CCDC88C: variants seen among roughly 807,000 people sequenced by gnomAD.
CCDC88C encodes protein Daple.
A neutral mutation model predicts 198.8 loss-of-function variants in CCDC88C; 131 were observed. The ratio of observed to expected loss-of-function variants is 0.66; its 90% confidence interval spans 0.57 to 0.76. CCDC88C has a LOEUF of 0.76. Ranked by LOEUF, CCDC88C falls within the 30% of genes least tolerant of loss-of-function variation. The probability of loss-of-function intolerance (pLI) is 0.00; values close to 1 mark genes in which losing one functional copy is unlikely to be tolerated. For missense variants in CCDC88C, 2,553 were observed against 2,631.6 expected (o/e 0.97, Z 0.65); for synonymous variants, 1,166 against 1,114.7 (o/e 1.05, Z -0.92).
chr14:91,282,944 T>C (rs1036613911), intron 26 of CCDC88C, among the ~76,000 whole-genome samples: 9 of 152,204 alleles, frequency 5.9e-5, no homozygotes, highest in African/African-American at 2.2e-4. Flanking sequence ...AAATATATAA[T>C]TTATCTTCTC....
At chr14:91,413,663 G>C (rs1170457786) in intron 2 of CCDC88C, among the ~76,000 whole-genome samples, 1 of 152,184 alleles carries the variant, frequency 6.6e-6, no homozygotes, top group African/African-American at 2.4e-5. Flanking sequence ...CCAGAAAGCT[G>C]AACCTGTGGG....
Position 91,309,907 on chromosome 14 carries a change from CCGA to C in CCDC88C, c.2813_2815del (p.Val938del). On this transcript the variant is annotated inframe_deletion, in exon 16 of 30. Transcript: ENST00000389857. ...CTGCAACAGCAGCTCCCTGTTGAGG[CCGA>C]CCTTCTCCAGTTCCTGGCTCAGCTT... is the stretch of plus-strand genomic sequence containing the variant. 1 of 1,610,956 alleles carries C rather than the reference CCGA, an allele frequency of 6.2e-7. No homozygotes were observed. Among genetic ancestry groups the C allele is most frequent in the Non-Finnish European group, 8.5e-7 (1 of 1,178,632 alleles).
intron 3 of CCDC88C, chr14:91,379,168 C>T (rs1596134437): frequency 6.6e-6 from 1 of 152,406 alleles, no homozygotes; most frequent in African/African-American, 2.4e-5. Flanking sequence ...GATCCCTTCT[C>T]TGACCCCTCA....
At chr14:91,311,810 C>G (rs10131829) in intron 15 of CCDC88C, among the ~76,000 whole-genome samples, 9,939 of 152,136 alleles carry the variant, frequency 0.065, 814 homozygotes, top group African/African-American at 0.19. Flanking sequence ...GAGACTAACA[C>G]GTTCACACTC....
intron 12 of CCDC88C, among the ~76,000 whole-genome samples, chr14:91,321,541 A>C (rs1892358409): frequency 6.6e-6 from 1 of 152,224 alleles, no homozygotes; most frequent in African/African-American, 2.4e-5. Context: ...AGAAGGCGGC[A>C]GGTTACAGTC....
intron 3 of CCDC88C, among the ~76,000 whole-genome samples, chr14:91,377,872 G>C (rs961969491): frequency 1.3e-5 from 2 of 151,696 alleles, no homozygotes; most frequent in African/African-American, 4.9e-5. Flanking sequence ...AGGAGGAAGG[G>C]GGAAGGGAGG....
chr14:91,345,111 T>C (rs1893477421), intron 4 of CCDC88C, among the ~76,000 whole-genome samples: 1 of 149,164 alleles, frequency 6.7e-6, no homozygotes, highest in Non-Finnish European at 1.5e-5. Context: ...GCATACTTAC[T>C]TTGTAAATCA....
At chr14:91,331,533 T>C (rs1410256738) in intron 10 of CCDC88C, among the ~76,000 whole-genome samples, 1 of 148,586 alleles carries the variant, frequency 6.7e-6, no homozygotes, top group Non-Finnish European at 1.5e-5. Context: ...CACGTGTGTG[T>C]GCGCGTGCGA....
In CCDC88C at chr14:91,313,049, C is replaced by A. The variant is rs776555393; in HGVS notation, c.2736+31G>T. 7 of 1,514,804 alleles carry A rather than the reference C, an allele frequency of 4.6e-6. No individual in the cohort carries two copies. The highest frequency in any genetic ancestry group is 6.3e-6 in the Non-Finnish European group (7 of 1,119,012). 93.8% of individuals were successfully genotyped at this position (1,514,804 alleles called of 1,614,324 possible). Reference sequence around the variant, plus strand: ...GAACCCACTACCACCATCTGCCAATCCCCTTACAGGCGCCGCCTGTGTTTG... The same window carrying A: ...GAACCCACTACCACCATCTGCCAATACCCTTACAGGCGCCGCCTGTGTTTG... On this transcript the variant is annotated intron_variant, in intron 15 of 29. Coordinates refer to ENST00000389857, the MANE Select transcript of CCDC88C (RefSeq NM_001080414.4). This position sits in a 1 kb window ranked among gnomAD's most constrained non-coding sequence, Gnocchi z 5.2.
chr14:91,308,399 C>A lies in CCDC88C; in HGVS notation c.2958G>T (p.Met986Ile). 1 of 1,614,040 alleles carries A rather than the reference C, an allele frequency of 6.2e-7. No individual in the cohort carries two copies. Among genetic ancestry groups the A allele is most frequent in the Non-Finnish European group, 8.5e-7 (1 of 1,179,890 alleles). The change falls in exon 17 of 30, where the codon ATG becomes ATT. Residue 986 changes from methionine to isoleucine, a missense_variant. Met to Ile is a conservative substitution (Grantham distance 10). Around this residue, in one of 2 missense-constraint regions of CCDC88C, gnomAD observed 1,260 missense variants for 1,412.0 expected, o/e 0.89. Coordinates refer to ENST00000389857, the MANE Select transcript of CCDC88C (RefSeq NM_001080414.4). ...EEKIVLLEAQ[M>I]EEKASLNRQL... Reference sequence around the variant, plus strand: ...GGCGATTTAGGCTCGCTTTCTCTTCCATCTGTGCTTCTAAGAGCACAATCT... The same window carrying A: ...GGCGATTTAGGCTCGCTTTCTCTTCAATCTGTGCTTCTAAGAGCACAATCT...
At chr14:91,378,546 A>G (rs1649989808) in intron 3 of CCDC88C, 1 of 152,660 alleles carries the variant, frequency 6.6e-6, no homozygotes. Context: ...GGCCTTGACA[A>G]TAACCTACAG....
At chr14:91,292,629 G>A (rs906898302) in intron 23 of CCDC88C, among the ~76,000 whole-genome samples, 28 of 152,120 alleles carry the variant, frequency 1.8e-4, no homozygotes, top group Non-Finnish European at 8.8e-5. Flanking sequence ...TGTGACCACA[G>A]TGACCACGTC....
intron 25 of CCDC88C, among the ~76,000 whole-genome samples, chr14:91,287,123 C>G (rs1890442986): frequency 6.6e-6 from 1 of 152,134 alleles, no homozygotes; most frequent in Non-Finnish European, 1.5e-5. Context: ...ATTAATTCCA[C>G]TTAAAGAGTA....
chr14:91,280,930 A>T (rs1890170549), intron 27 of CCDC88C, among the ~76,000 whole-genome samples: 2 of 152,132 alleles, frequency 1.3e-5, no homozygotes, highest in Admixed American at 6.5e-5. Context: ...TTTTAGGATT[A>T]TTTTCTCACC....
Position 91,313,877 on chromosome 14 carries a change from G to A in CCDC88C, c.1939C>T (p.Leu647=). The A allele has an allele frequency of 6.2e-7, 1 of 1,607,472 alleles. No homozygotes were observed. Among genetic ancestry groups the A allele is most frequent in the Non-Finnish European group, 8.5e-7 (1 of 1,177,816 alleles). The part of the protein sequence containing the change: ...LQRLQEENGR[L]ARKVTSLETA... ...TCCAGGGAGGTCACCTTCCTGGCCAGCCTCCCGTTCTCCTCCTGGAGTCGC... is the reference window on the plus strand; with the variant it reads ...TCCAGGGAGGTCACCTTCCTGGCCAACCTCCCGTTCTCCTCCTGGAGTCGC... Residue 647 remains leucine (L), a synonymous_variant, in exon 15 of 30, where the codon CTG becomes TTG. Coordinates refer to ENST00000389857, the MANE Select transcript of CCDC88C (RefSeq NM_001080414.4). The surrounding 1 kb of genome is among the most constrained non-coding windows in gnomAD (Gnocchi z 5.2).
chr14:91,367,983 T>C (rs1371379588), intron 3 of CCDC88C, among the ~76,000 whole-genome samples: 2 of 152,156 alleles, frequency 1.3e-5, no homozygotes, highest in East Asian at 1.9e-4. Context: ...TAATGCTTCC[T>C]CAGCCCCCTT....
chr14:91,335,905 C>T (rs1596083128), intron 10 of CCDC88C, among the ~76,000 whole-genome samples: 1 of 152,174 alleles, frequency 6.6e-6, no homozygotes, highest in Non-Finnish European at 1.5e-5. Flanking sequence ...GAAGGGAGTA[C>T]AGCTCACTCC....
At chr14:91,285,877 AAAG>A in intron 25 of CCDC88C, 1 of 1,106,304 alleles carries the variant, frequency 9.0e-7, no homozygotes, top group Non-Finnish European at 1.2e-6. Context: ...GAGGAAGGAA[AAAG>A]AAAACACAAA....
rs917135265 is a variant in CCDC88C at position 91,352,601 on chromosome 14, C to T, written c.340+7041G>A. 2.6e-5 allele frequency among the ~76,000 whole-genome samples: 4 copies of T among 152,204 alleles called. No individual in the cohort carries two copies. The highest frequency in any genetic ancestry group is 9.7e-5 in the African/African-American group (4 of 41,434). ...TTTTTCTTATTTCTTCCCTCCCATT[C>T]AAACGCCCAAAACGTTTTGCAAATA... On this transcript the variant is annotated intron_variant, in intron 4 of 29. Transcript: ENST00000389857. The surrounding 1 kb of genome is among the most constrained non-coding windows in gnomAD (Gnocchi z 4.2).
Sources: gnomAD v4.1 joint callset for allele counts (sites outside exome capture counted in the v4.1 genomes callset) on GRCh38, gnomAD v4.1.1 for gene constraint, gnomAD v4.1.1 regional missense constraint, Gnocchi (gnomAD v3.1) non-coding constraint, MANE v1.5 for transcripts, NCBI Gene and HGNC (gene_info 2026-07-23, HGNC 2026-07-21) for gene names.